HDAC9: variants seen among roughly 807,000 people sequenced by gnomAD.
HDAC9 encodes MEF-2 interacting transcription repressor (MITR) protein.
In HDAC9, 41 loss-of-function variants were observed where a neutral mutation model predicts 139.4. The observed-to-expected ratio is 0.29, with a 90% CI of 0.23 to 0.38. The LOEUF is 0.38. HDAC9 is among the 10% of genes least tolerant of loss of function. The pLI, the probability that HDAC9 is intolerant of heterozygous loss-of-function variation, is 1.00. For missense variants in HDAC9, 1,147 were observed against 1,297.0 expected (o/e 0.88, Z 1.78); for synonymous variants, 517 against 476.2 (o/e 1.09, Z -1.12).
chr7:18,183,192 G>T (rs1789619495), intron 2 of HDAC9, among the ~76,000 whole-genome samples: 1 of 148,578 alleles, frequency 6.7e-6, no homozygotes, highest in Non-Finnish European at 1.5e-5. Flanking sequence ...TGTATTTTTA[G>T]TAGAGACGGG....
intron 22 of HDAC9, among the ~76,000 whole-genome samples, chr7:18,930,478 C>T (rs541524612): frequency 2.0e-5 from 3 of 152,214 alleles, no homozygotes; most frequent in Admixed American, 2.0e-4. Flanking sequence ...CACACACACA[C>T]ACACGTACAC....
At position 18,624,244 on chromosome 7, in the gene HDAC9, C is replaced by T. The variant is rs190364393; in HGVS notation, c.665-5106C>T. Among the ~76,000 whole-genome samples the T allele has an allele frequency of 2.6e-5, 4 of 152,220 alleles. No individual in the cohort carries two copies. The East Asian group carries it at 7.7e-4, about 29-fold the overall frequency. On this transcript the variant is annotated intron_variant, in intron 6 of 25. Transcript: ENST00000686413. ...CTAAGTTTATTGTGTACCATGGAGACTAGTATGAGAATGAAGATTTGAAAT... is the reference window on the plus strand; with the variant it reads ...CTAAGTTTATTGTGTACCATGGAGATTAGTATGAGAATGAAGATTTGAAAT...
intron 1 of HDAC9, among the ~76,000 whole-genome samples, chr7:18,112,410 C>T (rs912199716): frequency 6.6e-6 from 1 of 151,982 alleles, no homozygotes; most frequent in African/African-American, 2.4e-5. Flanking sequence ...GTGAATGGCA[C>T]AAAAAAATCG....
intron 1 of HDAC9, among the ~76,000 whole-genome samples, chr7:18,358,321 G>T (rs2128685049): frequency 6.6e-6 from 1 of 152,294 alleles, no homozygotes; most frequent in African/African-American, 2.4e-5. Flanking sequence ...CTGATGTTGG[G>T]AGCACAAACA....
chr7:18,764,701 C>T (rs1193365937), intron 15 of HDAC9, among the ~76,000 whole-genome samples: 2 of 152,018 alleles, frequency 1.3e-5, no homozygotes, highest in East Asian at 3.9e-4. Context: ...AATTCATAAT[C>T]GTCAAGATGT....
intron 6 of HDAC9, among the ~76,000 whole-genome samples, chr7:18,609,321 A>T (rs563260587): frequency 7.9e-5 from 12 of 152,310 alleles, no homozygotes; most frequent in African/African-American, 2.4e-4. Flanking sequence ...TTTGTTAACT[A>T]ATGTATTAGT....
chr7:18,964,876 C>G (rs1486407899), intron 24 of HDAC9, among the ~76,000 whole-genome samples: 2 of 152,168 alleles, frequency 1.3e-5, no homozygotes, highest in Non-Finnish European at 1.5e-5. Flanking sequence ...GATTACAATT[C>G]AAGATGAGAT....
chr7:18,454,254 G>A (rs979735898), intron 1 of HDAC9, among the ~76,000 whole-genome samples: 1 of 152,052 alleles, frequency 6.6e-6, no homozygotes, highest in East Asian at 1.9e-4. Context: ...TTCTTGGACA[G>A]TGTAATTAAT....
intron 2 of HDAC9, among the ~76,000 whole-genome samples, chr7:18,564,077 C>T (rs574491781): frequency 5.9e-5 from 9 of 151,974 alleles, no homozygotes; most frequent in Non-Finnish European, 1.0e-4. Flanking sequence ...CCTCATGATC[C>T]GCCCGCCCCG....
At chr7:18,875,570 G>A (rs1371986478) in intron 22 of HDAC9, among the ~76,000 whole-genome samples, 1 of 152,110 alleles carries the variant, frequency 6.6e-6, no homozygotes, top group Non-Finnish European at 1.5e-5. Flanking sequence ...ACATTGTTAG[G>A]TAGTAACTAT....
Position 18,666,305 on chromosome 7 carries a change from A to G in HDAC9, c.1560A>G (p.Glu520=), listed in dbSNP as rs1213104083. ...TTCAGGGGGACCAGGCGATGCAGGA[A>G]GACAGAGCGCCCTCTAGTGGCAACA... ...EELQGDQAMQ[E]DRAPSSGNST... Residue 520 remains glutamate (E), a synonymous_variant, in exon 12 of 26, where the codon GAA becomes GAG. Transcript: ENST00000686413. 6.2e-7 allele frequency: 1 copy of G among 1,613,492 alleles called. No individual in the cohort carries two copies. The highest frequency in any genetic ancestry group is 8.5e-7 in the Non-Finnish European group (1 of 1,179,610).
At chr7:18,402,459 C>T (rs568692585) in intron 1 of HDAC9, among the ~76,000 whole-genome samples, 2 of 152,262 alleles carry the variant, frequency 1.3e-5, no homozygotes, top group East Asian at 3.9e-4. Context: ...ATAGAGAAGC[C>T]ATTAACTTCT....
At chr7:18,776,158 G>A (rs971802694) in intron 16 of HDAC9, among the ~76,000 whole-genome samples, 1 of 152,000 alleles carries the variant, frequency 6.6e-6, no homozygotes, top group Admixed American at 6.6e-5. Flanking sequence ...GCTCTGGCTA[G>A]TCTCAAACTC....
chr7:18,271,578 G>A (rs1796359030), intron 2 of HDAC9, among the ~76,000 whole-genome samples: 1 of 152,160 alleles, frequency 6.6e-6, no homozygotes, highest in Non-Finnish European at 1.5e-5. Context: ...AAATGCTGCA[G>A]TCTTCCATTT....
intron 1 of HDAC9, among the ~76,000 whole-genome samples, chr7:18,108,293 G>GTGGGGCAGTACCAACAGCGTTCAC (rs1010404964): frequency 4.6e-5 from 7 of 152,180 alleles, no homozygotes; most frequent in Admixed American, 3.9e-4. Context: ...ACCAGGGAGT[G>GTGGGGCAGTACCAACAGCGTTCAC]TGGGGCAGTA....
intron 23 of HDAC9, among the ~76,000 whole-genome samples, chr7:18,939,280 A>G (rs1781862902): frequency 6.6e-6 from 1 of 152,220 alleles, no homozygotes; most frequent in Non-Finnish European, 1.5e-5. Flanking sequence ...AATTCCTAGC[A>G]GATACTTTAA....
intron 1 of HDAC9, among the ~76,000 whole-genome samples, chr7:18,429,567 G>C (rs933877376): frequency 1.3e-5 from 2 of 150,198 alleles, no homozygotes; most frequent in Non-Finnish European, 1.5e-5. Flanking sequence ...GTGTGTGTCT[G>C]TGTGTGTGTG....
chr7:18,345,037 G>A (rs1782294726), intron 1 of HDAC9, among the ~76,000 whole-genome samples: 1 of 151,914 alleles, frequency 6.6e-6, no homozygotes, highest in South Asian at 2.1e-4. Context: ...CATCTTAATG[G>A]AAATAAGAGA....
At chr7:18,788,409 G>A (rs1792003279) in intron 16 of HDAC9, among the ~76,000 whole-genome samples, 1 of 152,086 alleles carries the variant, frequency 6.6e-6, no homozygotes, top group Non-Finnish European at 1.5e-5. Context: ...ATACCACTCT[G>A]CAGACTTTAT....
Sources: allele counts gnomAD v4.1 joint callset (sites outside exome capture counted in the v4.1 genomes callset), GRCh38; gene constraint gnomAD v4.1.1; transcripts MANE v1.5; gene names NCBI Gene and HGNC (gene_info 2026-07-23, HGNC 2026-07-21).